Variants in MECOM observed in about 807,000 individuals in gnomAD.
MECOM encodes MDS1 and EVI1 complex locus, also known as histone-lysine N-methyltransferase MECOM.
In MECOM, 13 loss-of-function variants were observed where a neutral mutation model predicts 116.3. The ratio of observed to expected loss-of-function variants is 0.11; its 90% CI spans 0.07 to 0.18. MECOM has a LOEUF of 0.18. Ranked by LOEUF, MECOM falls within the 10% of genes least tolerant of loss-of-function variation. The probability of loss-of-function intolerance (pLI) is 1.00; values close to 1 mark genes in which losing one functional copy is unlikely to be tolerated. For missense variants in MECOM, 1,299 were observed against 1,509.0 expected, an observed-to-expected ratio of 0.86 and a Z score of 2.31; for synonymous variants, 528 against 535.2, an observed-to-expected ratio of 0.99 and a Z score of 0.19.
At chr3:169,233,637 G>A (rs769382691) in intron 2 of MECOM, among the ~76,000 whole-genome samples, 13 of 152,148 alleles carry the variant, frequency 8.5e-5, no homozygotes, top group East Asian at 7.7e-4. Context: ...AAGCTCACTC[G>A]ACTGTCTTTT....
At chr3:169,347,801 AT>A (rs1725625093) in intron 2 of MECOM, among the ~76,000 whole-genome samples, 1 of 152,032 alleles carries the variant, frequency 6.6e-6, no homozygotes, top group Non-Finnish European at 1.5e-5. Context: ...AGCTCAGGGA[AT>A]GGATTTGTCT....
chr3:169,190,339 C>T (rs995946981), intron 2 of MECOM, among the ~76,000 whole-genome samples: 1 of 151,942 alleles, frequency 6.6e-6, no homozygotes, highest in Admixed American at 6.6e-5. Context: ...TGATGAATAT[C>T]TCTACACAGC....
chr3:169,468,632 G>T (rs1359602456), intron 1 of MECOM, among the ~76,000 whole-genome samples: 1 of 152,076 alleles, frequency 6.6e-6, no homozygotes, highest in Non-Finnish European at 1.5e-5. Flanking sequence ...GTCATTGTTA[G>T]TATCAAATGA....
chr3:169,324,904 C>A (rs1440095978), intron 2 of MECOM, among the ~76,000 whole-genome samples: 1 of 152,150 alleles, frequency 6.6e-6, no homozygotes, highest in African/African-American at 2.4e-5. Context: ...CTGCCAACTC[C>A]CTCATCTCAG....
At chr3:169,268,475 T>C (rs915085987) in intron 2 of MECOM, among the ~76,000 whole-genome samples, 4 of 152,216 alleles carry the variant, frequency 2.6e-5, no homozygotes, top group Non-Finnish European at 5.9e-5. Flanking sequence ...TATCTTCTTG[T>C]ACTTTAGTTA....
chr3:169,317,197 T>A (rs1170427561), intron 2 of MECOM, among the ~76,000 whole-genome samples: 2 of 152,320 alleles, frequency 1.3e-5, no homozygotes, highest in East Asian at 3.9e-4. Context: ...AGAAACTCCT[T>A]GCCAATTCTT....
intron 1 of MECOM, among the ~76,000 whole-genome samples, chr3:169,390,303 T>C (rs1734016109): frequency 6.6e-6 from 1 of 152,120 alleles, no homozygotes; most frequent in Non-Finnish European, 1.5e-5. Flanking sequence ...ATTGGTTTGG[T>C]CTCTCCCAAC....
At chr3:169,481,588 A>C (rs1339530511) in intron 1 of MECOM, among the ~76,000 whole-genome samples, 6 of 151,112 alleles carry the variant, frequency 4.0e-5, no homozygotes, top group African/African-American at 7.3e-5. Flanking sequence ...TAAAAAAAAA[A>C]CTAAAAACTT....
intron 2 of MECOM, among the ~76,000 whole-genome samples, chr3:169,153,806 A>AGTCTGTGT: frequency 6.6e-6 from 1 of 152,302 alleles, no homozygotes; most frequent in South Asian, 2.1e-4. Context: ...TTGGGAAAAT[A>AGTCTGTGT]AATTGGGTAA....
chr3:169,606,981 TG>T (rs1340096974), intron 1 of MECOM, among the ~76,000 whole-genome samples: 4 of 152,198 alleles, frequency 2.6e-5, no homozygotes, highest in Non-Finnish European at 5.9e-5. Flanking sequence ...CAAGTCGTAG[TG>T]TTATTAAAAG....
intron 1 of MECOM, among the ~76,000 whole-genome samples, chr3:169,626,400 G>A (rs1771378539): frequency 6.6e-6 from 1 of 152,222 alleles, no homozygotes; most frequent in Admixed American, 6.5e-5. Flanking sequence ...GTACCCTGTT[G>A]CTTTAAGATA....
At chr3:169,311,019 C>T (rs79439657) in intron 2 of MECOM, among the ~76,000 whole-genome samples, 2 of 152,118 alleles carry the variant, frequency 1.3e-5, no homozygotes, top group Admixed American at 6.5e-5. Flanking sequence ...ACATGAAAGC[C>T]GTGGGAAAAC....
At position 169,381,393 on chromosome 3, in the gene MECOM, T is replaced by G; in HGVS notation, c.169A>C (p.Thr57Pro). 6.2e-7 allele frequency: 1 copy of G among 1,613,774 alleles called. No individual in the cohort carries two copies. Among genetic ancestry groups the G allele is most frequent in the Non-Finnish European group, 8.5e-7 (1 of 1,179,800 alleles). Residue 57 changes from threonine (T) to proline (P), a missense_variant, in exon 2 of 17, where the codon ACT (threonine) becomes CCT (proline). Thr to Pro is a conservative substitution (Grantham distance 38). Transcript: ENST00000651503. ...CSPATSSEAF[T>P]PKEGSPYKAP... ...TTGTAAGGAGAACCCTCCTTTGGAG[T>G]GAATGCTTCACTGGATGTGGCAGGA...
chr3:169,534,574 T>G (rs1288185544), intron 1 of MECOM, among the ~76,000 whole-genome samples: 1 of 152,200 alleles, frequency 6.6e-6, no homozygotes, highest in Non-Finnish European at 1.5e-5. Context: ...TGACTTTTAT[T>G]TGACAGGACA....
At chr3:169,221,585 C>T (rs1293308590) in intron 2 of MECOM, among the ~76,000 whole-genome samples, 1 of 143,422 alleles carries the variant, frequency 7.0e-6, no homozygotes, top group Non-Finnish European at 1.5e-5. Context: ...AAAAAAAAAG[C>T]CAGTGGCAGC....
At chr3:169,493,477 G>A (rs573000113) in intron 1 of MECOM, among the ~76,000 whole-genome samples, 13 of 151,920 alleles carry the variant, frequency 8.6e-5, no homozygotes, top group African/African-American at 1.9e-4. Flanking sequence ...ATCTAACGAG[G>A]AACACCACAC....
At chr3:169,662,896 T>G (rs1319414346) in intron 1 of MECOM, among the ~76,000 whole-genome samples, 2 of 97,704 alleles carry the variant, frequency 2.0e-5, no homozygotes, top group Non-Finnish European at 2.3e-5. Flanking sequence ...CGCGCCCCCC[T>G]CCTCCCACAC....
intron 1 of MECOM, among the ~76,000 whole-genome samples, chr3:169,588,409 C>T (rs540191712): frequency 1.2e-4 from 19 of 152,206 alleles, no homozygotes; most frequent in African/African-American, 4.6e-4. Flanking sequence ...ATGTGGTTCT[C>T]CCCTTCTACA....
At position 169,115,713 on chromosome 3, in the gene MECOM, A is replaced by C. The variant is rs368250791; in HGVS notation, c.2159T>G (p.Leu720Trp). 1 of 1,614,152 alleles carries C rather than the reference A, an allele frequency of 6.2e-7. No individual in the cohort carries two copies. The highest frequency in any genetic ancestry group is 8.5e-7 in the Non-Finnish European group (1 of 1,180,022). Residue 720 changes from leucine (L) to tryptophan (W), a missense_variant, in exon 8 of 17, where the codon TTG becomes TGG. Physicochemically the swap from Leu to Trp is moderately conservative, Grantham distance 61 (BLOSUM62 -2). Around this residue, in one of 6 missense-constraint regions of MECOM, gnomAD observed 340 missense variants for 312.6 expected, o/e 1.09. Transcript: ENST00000651503. ...FPDRDLRSLP[L>W]KMEPQSPGEV... Reference sequence around the variant, plus strand: ...ACCTGGTGATTGGGGTTCCATTTTCAAAGGTAACGATCTCAAGTCTCTATC... The same window carrying C: ...ACCTGGTGATTGGGGTTCCATTTTCCAAGGTAACGATCTCAAGTCTCTATC...
Sources: allele counts gnomAD v4.1 joint callset (sites outside exome capture counted in the v4.1 genomes callset), GRCh38; gene constraint gnomAD v4.1.1; regional missense constraint gnomAD v4.1.1; transcripts MANE v1.5; gene names NCBI Gene and HGNC (gene_info 2026-07-23, HGNC 2026-07-21).